The following ATP11C variants were observed in gnomAD, a reference collection of about 807,000 sequenced individuals.
ATP11C encodes phospholipid-transporting ATPase IG.
A neutral mutation model predicts 97.4 loss-of-function variants in ATP11C; 36 were observed. The ratio of observed to expected loss-of-function variants is 0.37; its 90% CI spans 0.28 to 0.49. The LOEUF is 0.49. Ranked by LOEUF, ATP11C falls within the 20% of genes least tolerant of loss-of-function variation. ATP11C has a pLI of 0.98. For synonymous variants in ATP11C, 275 were observed against 290.9 expected (o/e 0.95, Z 0.56); for missense variants, 730 against 824.6 (o/e 0.89, Z 1.40).
intron 1 of ATP11C, among the ~76,000 whole-genome samples, chrX:139,923,234 C>T (rs1004608626): frequency 2.7e-5 from 3 of 112,055 alleles, no homozygotes; most frequent in Admixed American, 9.5e-5. Context: ...CTGCCCATCC[C>T]TAAAATCTCA....
intron 15 of ATP11C, among the ~76,000 whole-genome samples, chrX:139,785,513 G>A (rs145953899): frequency 0.043 from 4,737 of 111,338 alleles, 139 homozygotes; most frequent in Admixed American, 0.15. Flanking sequence ...TAGCCCCTCA[G>A]TATATTACTT....
chrX:139,791,406 C>T (rs954516039), intron 12 of ATP11C, among the ~76,000 whole-genome samples: 23 of 111,872 alleles, frequency 2.1e-4, no homozygotes, highest in African/African-American at 7.5e-4. Flanking sequence ...ATATAAAGTA[C>T]AATTTATTCA....
At chrX:139,844,448 CCGAGTA>C (rs1569478525) in intron 1 of ATP11C, among the ~76,000 whole-genome samples, 2 of 110,298 alleles carry the variant, frequency 1.8e-5, no homozygotes, top group Non-Finnish European at 3.8e-5. Flanking sequence ...AGGCCTGGTG[CCGAGTA>C]AGAAGAAAGC....
intron 1 of ATP11C, among the ~76,000 whole-genome samples, chrX:139,891,372 C>T (rs2084727955): frequency 9.0e-6 from 1 of 111,303 alleles, no homozygotes; most frequent in Non-Finnish European, 1.9e-5. Flanking sequence ...CAAACCTACA[C>T]ATGTACCCCG....
At chrX:139,843,912 GAA>G (rs199615238) in intron 1 of ATP11C, among the ~76,000 whole-genome samples, 9 of 76,864 alleles carry the variant, frequency 1.2e-4, no homozygotes, top group Admixed American at 6.7e-4. Flanking sequence ...TTCTGACAAA[GAA>G]AAAAAAAAAA....
At chrX:139,902,454 G>A (rs781181393) in intron 1 of ATP11C, among the ~76,000 whole-genome samples, 8 of 111,367 alleles carry the variant, frequency 7.2e-5, no homozygotes, top group African/African-American at 1.3e-4. Flanking sequence ...CTAACATAAC[G>A]ACTATAGTTT....
chrX:139,810,675 A>C (rs2083151580), intron 5 of ATP11C, among the ~76,000 whole-genome samples: 1 of 111,830 alleles, frequency 8.9e-6, no homozygotes, highest in Non-Finnish European at 1.9e-5. Flanking sequence ...AAGATGTTCA[A>C]ATCAACTCCT....
At chrX:139,745,287 G>A (rs928511723) in intron 25 of ATP11C, among the ~76,000 whole-genome samples, 3 of 111,264 alleles carry the variant, frequency 2.7e-5, no homozygotes, top group Non-Finnish European at 5.7e-5. Context: ...AGGGAGAGAA[G>A]AGAATTCCTC....
chrX:139,825,107 T>C (rs1030704871), intron 2 of ATP11C, among the ~76,000 whole-genome samples: 6 of 111,340 alleles, frequency 5.4e-5, no homozygotes, highest in African/African-American at 1.3e-4. Context: ...CTACTCACTA[T>C]TGTAATAATA....
intron 5 of ATP11C, among the ~76,000 whole-genome samples, chrX:139,806,360 T>A (rs1222542863): frequency 9.0e-6 from 1 of 111,662 alleles, no homozygotes; most frequent in Non-Finnish European, 1.9e-5. Flanking sequence ...CCACCTCCCA[T>A]TACAAACATT....
chrX:139,935,184 A>C (rs1251653010), upstream of ATP11C, among the ~76,000 whole-genome samples: 1 of 111,195 alleles, frequency 9.0e-6, no homozygotes. Flanking sequence ...GAGACCTGAA[A>C]TTTTTTTTTG....
At chrX:139,753,967 C>A (rs180692557) in intron 23 of ATP11C, among the ~76,000 whole-genome samples, 1 of 110,809 alleles carries the variant, frequency 9.0e-6, no homozygotes, top group East Asian at 2.9e-4. Context: ...CAAGAAATAA[C>A]CCAAATCAGA....
intron 1 of ATP11C, among the ~76,000 whole-genome samples, chrX:139,925,342 A>G (rs2085333623): frequency 1.8e-5 from 2 of 111,597 alleles, no homozygotes; most frequent in African/African-American, 6.5e-5. Context: ...CTGGAGTGCA[A>G]TGGCACGATC....
intron 1 of ATP11C, among the ~76,000 whole-genome samples, chrX:139,848,426 C>A (rs1477039907): frequency 9.1e-6 from 1 of 110,422 alleles, no homozygotes; most frequent in African/African-American, 3.3e-5. Context: ...ACATAATAGC[C>A]CTCTCTCATT....
intron 20 of ATP11C, among the ~76,000 whole-genome samples, chrX:139,763,988 C>A (rs1464514481): frequency 8.9e-6 from 1 of 112,055 alleles, no homozygotes; most frequent in African/African-American, 3.2e-5. Flanking sequence ...ATCATGTGTT[C>A]TTTCAGATCA....
chrX:139,752,068 T>C (rs944135995), intron 23 of ATP11C, among the ~76,000 whole-genome samples: 8 of 111,662 alleles, frequency 7.2e-5, no homozygotes, highest in Non-Finnish European at 3.8e-5. Flanking sequence ...GGTACTCTTT[T>C]ACCTTCCTTT....
chrX:139,814,394 T>C (rs2083240913), intron 5 of ATP11C, among the ~76,000 whole-genome samples: 1 of 111,998 alleles, frequency 8.9e-6, no homozygotes, highest in African/African-American at 3.2e-5. Flanking sequence ...CCTAGGTATA[T>C]ACCTCAAAGA....
intron 22 of ATP11C, among the ~76,000 whole-genome samples, chrX:139,760,790 T>C (rs901491857): frequency 6.3e-5 from 7 of 111,721 alleles, no homozygotes; most frequent in African/African-American, 2.0e-4. Context: ...TTATCATGTT[T>C]TGGAAGAATA....
At chrX:139,787,376 C>T (rs944739997) in intron 14 of ATP11C, 132 bp from the exon 15 acceptor site, 5 of 416,120 alleles carry the variant, frequency 1.2e-5, no homozygotes, top group Non-Finnish European at 1.9e-5. Context: ...CGGCTCACTG[C>T]AACCTTCACC....
Sources: gnomAD v4.1 joint callset for allele counts (sites outside exome capture counted in the v4.1 genomes callset) on GRCh38, gnomAD v4.1.1 for gene constraint, MANE v1.5 for transcripts, NCBI Gene and HGNC (gene_info 2026-07-23, HGNC 2026-07-21) for gene names.